The following TMCC1 variants were observed in gnomAD, a reference collection of about 807,000 sequenced individuals.
The protein encoded by TMCC1 is transmembrane and coiled-coil domain family 1.
In TMCC1, 15 loss-of-function variants were observed where a neutral mutation model predicts 52.4. The observed-to-expected ratio is 0.29, with a 90% CI of 0.19 to 0.44. The LOEUF (loss-of-function observed/expected upper bound fraction) is 0.44. TMCC1 is among the 20% of genes least tolerant of loss of function. The pLI, the probability that TMCC1 is intolerant of heterozygous loss-of-function variation, is 1.00. For missense variants in TMCC1, 503 were observed against 806.0 expected, an observed-to-expected ratio of 0.62 and a Z score of 4.55; for synonymous variants, 279 against 301.9, an observed-to-expected ratio of 0.92 and a Z score of 0.79.
intron 2 of TMCC1, among the ~76,000 whole-genome samples, chr3:129,876,355 A>G (rs933544048): frequency 4.6e-5 from 7 of 151,930 alleles, no homozygotes; most frequent in Non-Finnish European, 8.8e-5. Context: ...CTGACAGAAC[A>G]AAGACTATAT....
chr3:129,891,410 T>A (rs1252302828), intron 1 of TMCC1, among the ~76,000 whole-genome samples: 1 of 152,242 alleles, frequency 6.6e-6, no homozygotes, highest in Non-Finnish European at 1.5e-5. Context: ...GAAAATTTTA[T>A]GAAATTCAAA....
rs368685429 is a variant in TMCC1, at chr3:129,840,326, C to CAAAAAAA, written c.-183-7507_-183-7501dup. Reference sequence around the variant, plus strand: ...AGGGTGACAGAGTGAGAACCTGTCTCAAAAAAAAAAAAAAAAAAGCAAGAT... The same window carrying CAAAAAAA: ...AGGGTGACAGAGTGAGAACCTGTCTCAAAAAAAAAAAAAAAAAAAAAAAAAGCAAGAT... On this transcript the variant is annotated intron_variant, in intron 2 of 6. Coordinates refer to ENST00000393238, the MANE Select transcript of TMCC1 (RefSeq NM_001017395.5). Among the ~76,000 whole-genome samples the CAAAAAAA allele has an allele frequency of 1.8e-4, 16 of 88,216 alleles. 1 individual carries two copies. Among genetic ancestry groups the CAAAAAAA allele is most frequent in the Middle Eastern group, 8.5e-3 (1 of 118 alleles). 57.9% of individuals were successfully genotyped at this position (88,216 alleles called of 152,430 possible).
intron 4 of TMCC1, among the ~76,000 whole-genome samples, chr3:129,755,402 G>A (rs189035236): frequency 1.0e-3 from 156 of 152,260 alleles, no homozygotes; most frequent in African/African-American, 3.3e-3. Flanking sequence ...CATTAAAAGT[G>A]AAAACTATTG....
In TMCC1 at chr3:129,670,865, G is replaced by T. The variant is rs2087873189; in HGVS notation, c.976C>A (p.His326Asn). 6.2e-7 allele frequency: 1 copy of T among 1,614,040 alleles called. No homozygotes were observed. Among genetic ancestry groups the T allele is most frequent in the African/African-American group, 1.3e-5 (1 of 74,912 alleles). ...GCTCCTACATCCTTCAGACCCTGGT[G>T]CATGTCCCTGAAGACATCCTTTGGC... is the stretch of plus-strand genomic sequence containing the variant. Reference protein sequence around the residue: ...RQPKDVFRDMHQGLKDVGAKV... With the variant: ...RQPKDVFRDMNQGLKDVGAKV... Residue 326 changes from histidine (H) to asparagine (N), a missense_variant, in exon 5 of 7, where the codon CAC becomes AAC. Around this residue, in one of 7 missense-constraint regions of TMCC1, gnomAD observed 73 missense variants for 182.9 expected, o/e 0.40. Coordinates refer to ENST00000393238, the MANE Select transcript of TMCC1 (RefSeq NM_001017395.5).
intron 4 of TMCC1, among the ~76,000 whole-genome samples, chr3:129,800,315 T>C (rs2057106426): frequency 1.3e-5 from 2 of 152,222 alleles, no homozygotes; most frequent in Non-Finnish European, 2.9e-5. Context: ...TTGGAGCTCA[T>C]ATAGCATATT....
At chr3:129,717,086 A>C (rs145870371) in intron 4 of TMCC1, among the ~76,000 whole-genome samples, 4 of 152,244 alleles carry the variant, frequency 2.6e-5, no homozygotes, top group Non-Finnish European at 4.4e-5. Flanking sequence ...CATTCCCTTC[A>C]CCAGTTACTT....
chr3:129,812,743 C>G (rs527873587), intron 4 of TMCC1, among the ~76,000 whole-genome samples: 1 of 152,132 alleles, frequency 6.6e-6, no homozygotes, highest in East Asian at 1.9e-4. Context: ...CTAGGAAATA[C>G]CATCTGGACA....
At chr3:129,883,700 T>C (rs1430514894) in intron 1 of TMCC1, among the ~76,000 whole-genome samples, 1 of 152,182 alleles carries the variant, frequency 6.6e-6, no homozygotes, top group Non-Finnish European at 1.5e-5. Flanking sequence ...TTTTTTGGGC[T>C]GGGAGCAGTG....
At chr3:129,654,926 C>A (rs769647687) in intron 6 of TMCC1, 42 bp downstream of exon 6, 1 of 1,593,774 alleles carries the variant, frequency 6.3e-7, no homozygotes, top group Non-Finnish European at 8.5e-7. Context: ...TTCTTTCTAA[C>A]CCTACTGTAT....
At chr3:129,847,834 T>C (rs1577074014) in intron 2 of TMCC1, 1 of 152,250 alleles carries the variant, frequency 6.6e-6, no homozygotes, top group African/African-American at 2.4e-5. Flanking sequence ...CTTGTCACCA[T>C]GTGACTAATC....
chr3:129,872,752 A>C (rs2060990366), intron 2 of TMCC1, among the ~76,000 whole-genome samples: 1 of 152,154 alleles, frequency 6.6e-6, no homozygotes, highest in South Asian at 2.1e-4. Flanking sequence ...CTGAGCTACC[A>C]AACTAGTGCT....
At chr3:129,865,078 G>C (rs1450522966) in intron 2 of TMCC1, among the ~76,000 whole-genome samples, 1 of 152,194 alleles carries the variant, frequency 6.6e-6, no homozygotes, top group Non-Finnish European at 1.5e-5. Context: ...AACCTGGGGT[G>C]CTGAGGAAGC....
chr3:129,731,123 T>C (rs2050504866), intron 4 of TMCC1, among the ~76,000 whole-genome samples: 1 of 152,104 alleles, frequency 6.6e-6, no homozygotes, highest in Non-Finnish European at 1.5e-5. Context: ...AAGAATAATA[T>C]ACCATAACCA....
Position 129,664,190 on chromosome 3 carries a change from C to CA in TMCC1, c.1511+6139dup, listed in dbSNP as rs2087266050. The stretch of plus-strand genomic sequence containing the variant: ...GATTCAGTACCCTCAGTTTCTATTT[C>CA]AAACTTATTGTCCAAATCTAGCCTA... On this transcript the variant is annotated intron_variant, in intron 5 of 6. Coordinates refer to ENST00000393238, the MANE Select transcript of TMCC1 (RefSeq NM_001017395.5). Among the ~76,000 whole-genome samples, 3 of 152,264 alleles carry CA rather than the reference C, an allele frequency of 2.0e-5. No homozygotes were observed. In the South Asian group the frequency reaches 6.2e-4, roughly 32 times the overall value.
chr3:129,658,787 C>T (rs1003491546), intron 5 of TMCC1, among the ~76,000 whole-genome samples: 4 of 152,154 alleles, frequency 2.6e-5, no homozygotes, highest in Non-Finnish European at 5.9e-5. Flanking sequence ...GTATCAAGAG[C>T]TCATGTAATG....
At chr3:129,735,429 AG>A (rs2050875361) in intron 4 of TMCC1, among the ~76,000 whole-genome samples, 1 of 152,018 alleles carries the variant, frequency 6.6e-6, no homozygotes, top group Non-Finnish European at 1.5e-5. Context: ...GGATTGCTTG[AG>A]GCAAGAGTTT....
At chr3:129,887,496 C>T (rs1473799226) in intron 1 of TMCC1, among the ~76,000 whole-genome samples, 1 of 149,758 alleles carries the variant, frequency 6.7e-6, no homozygotes, top group African/African-American at 2.5e-5. Context: ...GAGCCAAGAT[C>T]GCGCCACTGC....
chr3:129,873,782 A>C (rs974538381), intron 2 of TMCC1, among the ~76,000 whole-genome samples: 4 of 152,184 alleles, frequency 2.6e-5, no homozygotes, highest in Non-Finnish European at 5.9e-5. Context: ...TTGGAACCAG[A>C]AGTGTTTTAG....
rs746830161 is a variant in TMCC1, at chr3:129,723,123, T to G, written c.577-51859A>C. Reference sequence around the variant, plus strand: ...AGGTCAACTAAAAAAAATGGTAAAATCAAACTATAGGCTAAGTTTGTACTC... The same window carrying G: ...AGGTCAACTAAAAAAAATGGTAAAAGCAAACTATAGGCTAAGTTTGTACTC... On this transcript the variant is annotated intron_variant, in intron 4 of 6. Coordinates refer to ENST00000393238, the MANE Select transcript of TMCC1 (RefSeq NM_001017395.5). Among the ~76,000 whole-genome samples the G allele has an allele frequency of 7.8e-4, 119 of 152,232 alleles. 1 individual carries two copies. Among genetic ancestry groups the G allele is most frequent in the Non-Finnish European group, 1.3e-3 (89 of 68,014 alleles).
Sources: gnomAD v4.1 joint callset for allele counts (sites outside exome capture counted in the v4.1 genomes callset) on GRCh38, gnomAD v4.1.1 for gene constraint, gnomAD v4.1.1 regional missense constraint, MANE v1.5 for transcripts, NCBI Gene and HGNC (gene_info 2026-07-23, HGNC 2026-07-21) for gene names.